The following GCSH variants were observed in gnomAD, a reference collection of about 807,000 sequenced individuals.
GCSH encodes glycine cleavage system H protein, mitochondrial.
GCSH carries 15 observed loss-of-function variants against 21.3 expected under a neutral mutation model. The ratio of observed to expected loss-of-function variants is 0.70; its 90% CI spans 0.47 to 1.08. The LOEUF (loss-of-function observed/expected upper bound fraction) is 1.08. Among genes scored for constraint, GCSH ranks in the 50% least tolerant of loss-of-function variants. GCSH has a pLI of 0.00. For missense variants in GCSH, 179 were observed against 217.5 expected (o/e 0.82, Z 1.11); for synonymous variants, 59 against 84.5 (o/e 0.70, Z 1.66).
chr16:81,096,221 G>C lies in GCSH; in HGVS notation c.58C>G (p.Pro20Ala). 1 of 1,315,798 alleles carries C rather than the reference G, an allele frequency of 7.6e-7. No homozygotes were observed. The highest frequency in any genetic ancestry group is 9.6e-7 in the Non-Finnish European group (1 of 1,038,192). The allele number at this position is 1,315,798 out of a possible 1,614,324, so 81.5% of individuals were successfully genotyped here. A position where few individuals can be genotyped will look rare whatever the true frequency, so the allele number is the denominator to read the frequency against. The stretch of plus-strand genomic sequence containing the variant: ...GGCGGGCAGGGCGCGGCGGGTGACG[G>C]GACCGCGCGCAGGGTGCAGAGCAGG... ...RALLCTLRAV[P>A]SPAAPCPPRP... The change falls in exon 1 of 5, where the codon CCG (proline) becomes GCG (alanine). Residue 20 changes from proline to alanine, a missense_variant. Transcript: ENST00000315467.
At chr16:81,087,750 C>A in intron 2 of GCSH, 86 bp from the exon 3 acceptor site, 2 of 870,072 alleles carry the variant, frequency 2.3e-6, no homozygotes, top group Non-Finnish European at 3.9e-6. Flanking sequence ...CACTGAATCC[C>A]CTATAATGAA....
intron 3 of GCSH, among the ~76,000 whole-genome samples, chr16:81,085,075 T>C (rs80187824): frequency 0.12 from 15,194 of 130,642 alleles, 895 homozygotes; most frequent in East Asian, 0.23. Flanking sequence ...AGTACAATGG[T>C]GTGTTCTAGG....
chr16:81,082,921 T>C lies in GCSH; in HGVS notation c.467A>G (p.Asp156Gly), dbSNP rs768105153. The C allele has an allele frequency of 6.4e-7, 1 of 1,570,630 alleles. No homozygotes were observed. The highest frequency in any genetic ancestry group is 1.1e-5 in the South Asian group (1 of 90,176). Residue 156 changes from aspartate (D) to glycine (G), a missense_variant, in exon 5 of 5, where the codon GAT (aspartate) becomes GGT (glycine). Asp to Gly is a moderately conservative substitution (Grantham distance 94). Coordinates refer to ENST00000315467, the MANE Select transcript of GCSH (RefSeq NM_004483.5). ...KMTLSNPSELDELMSEEAYEK... is the reference protein window; with the variant it reads ...KMTLSNPSELGELMSEEAYEK... ...ATATGCTTCTTCACTCATAAGTTCATCTAGTTCTGAAGGGTTACTCAGTGT... is the reference window on the plus strand; with the variant it reads ...ATATGCTTCTTCACTCATAAGTTCACCTAGTTCTGAAGGGTTACTCAGTGT...
rs147187925 is a variant in GCSH, at chr16:81,094,530, G to C, written c.148+1601C>G. 2.1e-3 allele frequency among the ~76,000 whole-genome samples: 316 copies of C among 151,822 alleles called. 1 individual carries two copies. Among genetic ancestry groups the C allele is most frequent in the African/African-American group, 7.2e-3 (297 of 41,400 alleles). ...AAAAAAGAAGAAAAAAAAAAGGAAC[G>C]AAAACCACAGACTTGAAACTAAATT... On this transcript the variant is annotated intron_variant, in intron 1 of 4. Transcript: ENST00000315467.
chr16:81,092,262 C>A (rs1454037397), intron 1 of GCSH, among the ~76,000 whole-genome samples: 2 of 152,100 alleles, frequency 1.3e-5, no homozygotes, highest in East Asian at 1.9e-4. Flanking sequence ...TCCCCCAGCA[C>A]ACACACGGTG....
intron 2 of GCSH, 125 bp from the exon 3 acceptor site, chr16:81,087,789 GC>G: frequency 1.4e-6 from 1 of 728,938 alleles, no homozygotes; most frequent in East Asian, 2.7e-5. Flanking sequence ...TACTGGAGGG[GC>G]TACATTCTTG....
chr16:81,088,813 A>G (rs569426050), intron 2 of GCSH, among the ~76,000 whole-genome samples: 5 of 152,154 alleles, frequency 3.3e-5, no homozygotes, highest in African/African-American at 9.7e-5. Context: ...CTGATTCTAC[A>G]AATCATAGTC....
At chr16:81,087,715 C>G (rs1972311925) in intron 2 of GCSH, 51 bp from the exon 3 acceptor site, 1 of 1,262,388 alleles carries the variant, frequency 7.9e-7, no homozygotes, top group Non-Finnish European at 1.2e-6. Flanking sequence ...ATAACTAAAC[C>G]CTCCAGTAAA....
Position 81,081,988 on chromosome 16 carries a change from T to C in GCSH, c.*878A>G, listed in dbSNP as rs1417738617. 1 of 453,166 alleles carries C rather than the reference T, an allele frequency of 2.2e-6. No homozygotes were observed. 28.1% of individuals were successfully genotyped at this position (453,166 alleles called of 1,614,324 possible). ...CAGTCCTTGTCCACTTTTATTCCCA[T>C]GACTTAAGTGGAAACCTGAACGTGG... On this transcript the variant is annotated 3_prime_UTR_variant, in exon 5 of 5. Transcript: ENST00000315467.
rs758756468 is a variant in GCSH, at chr16:81,096,296, G to A, written c.-18C>T. The stretch of plus-strand genomic sequence containing the variant: ...AGCGCCATGTTCGCAGGGGTGCGGG[G>A]GTCGCAGCGCTACGCCTCGGCCACC... On this transcript the variant is annotated 5_prime_UTR_variant, in exon 1 of 5. Coordinates refer to ENST00000315467, the MANE Select transcript of GCSH (RefSeq NM_004483.5). The A allele has an allele frequency of 1.1e-5, 15 of 1,364,594 alleles. No homozygotes were observed. The South Asian group carries it at 2.1e-4, about 19-fold the overall frequency. The allele number at this position is 1,364,594 out of a possible 1,614,324, so 84.5% of individuals were successfully genotyped here. A position where few individuals can be genotyped will look rare whatever the true frequency, so the allele number is the denominator to read the frequency against.
At chr16:81,084,216 CA>C in intron 4 of GCSH, 1 of 583,996 alleles carries the variant, frequency 1.7e-6, no homozygotes, top group Non-Finnish European at 3.0e-6. Flanking sequence ...TGGACTAAAG[CA>C]ATCCACCCAC....
intron 1 of GCSH, chr16:81,091,094 A>G (rs1972388827): frequency 2.2e-6 from 1 of 455,854 alleles, no homozygotes; most frequent in African/African-American, 2.0e-5. Flanking sequence ...GGCTCATATA[A>G]GAAATGATTT....
chr16:81,086,351 G>A (rs953658939), intron 3 of GCSH, among the ~76,000 whole-genome samples: 1 of 152,082 alleles, frequency 6.6e-6, no homozygotes, highest in South Asian at 2.1e-4. Flanking sequence ...TGGCCAACAT[G>A]GTGAAACCCC....
rs1209400455 is a variant in GCSH at position 81,081,960 on chromosome 16, C to T, written c.*906G>A. On this transcript the variant is annotated 3_prime_UTR_variant, in exon 5 of 5. Transcript: ENST00000315467. The stretch of plus-strand genomic sequence containing the variant: ...GAGTCCATTATCTGAGCTCATAAAG[C>T]TTCAGTCCTTGTCCACTTTTATTCC... The T allele has an allele frequency of 2.2e-6, 1 of 448,216 alleles. No individual in the cohort carries two copies. Among genetic ancestry groups the T allele is most frequent in the Non-Finnish European group, 4.5e-6 (1 of 222,644 alleles). The allele number at this position is 448,216 out of a possible 1,614,324, so 27.8% of individuals were successfully genotyped here. A position where few individuals can be genotyped will look rare whatever the true frequency, so the allele number is the denominator to read the frequency against.
chr16:81,085,042 G>A (rs1163341815), intron 3 of GCSH, among the ~76,000 whole-genome samples: 2 of 118,250 alleles, frequency 1.7e-5, no homozygotes, highest in East Asian at 2.6e-4. Context: ...TTGAGACGGA[G>A]TCTCGCTCTG....
chr16:81,090,989 TAC>T (rs1972386694), intron 1 of GCSH: 1 of 479,266 alleles, frequency 2.1e-6, no homozygotes, highest in East Asian at 4.9e-5. Context: ...TTCAAATGTA[TAC>T]TTAACTATTA....
chr16:81,094,785 A>T (rs5023851), intron 1 of GCSH, among the ~76,000 whole-genome samples: 1 of 152,116 alleles, frequency 6.6e-6, no homozygotes, highest in African/African-American at 2.4e-5. Context: ...CAGTCAGTGT[A>T]TCAAACATTT....
At chr16:81,089,938 T>C (rs916551335) in intron 2 of GCSH, among the ~76,000 whole-genome samples, 2 of 152,170 alleles carry the variant, frequency 1.3e-5, no homozygotes, top group South Asian at 2.1e-4. Flanking sequence ...CTTTCCTTAA[T>C]TGCCCAGTAC....
At chr16:81,084,990 T>C (rs1364867448) in intron 3 of GCSH, among the ~76,000 whole-genome samples, 7 of 146,046 alleles carry the variant, frequency 4.8e-5, no homozygotes, top group African/African-American at 7.6e-5. Flanking sequence ...GCTGGGATTA[T>C]AGGCATAAGC....
Sources: gnomAD v4.1 joint callset for allele counts (sites outside exome capture counted in the v4.1 genomes callset) on GRCh38, gnomAD v4.1.1 for gene constraint, MANE v1.5 for transcripts, NCBI Gene and HGNC (gene_info 2026-07-23, HGNC 2026-07-21) for gene names.